Variants in MACROD2 observed in about 807,000 individuals in gnomAD.
The protein encoded by MACROD2 is ADP-ribose glycohydrolase MACROD2.
Under a neutral mutation model 70.4 loss-of-function variants are expected in MACROD2, and 36 were observed. The ratio of observed to expected loss-of-function variants is 0.51; its 90% CI spans 0.39 to 0.68. The LOEUF (loss-of-function observed/expected upper bound fraction) is 0.68. Ranked by LOEUF, MACROD2 falls within the 30% of genes least tolerant of loss-of-function variation. MACROD2 has a pLI of 0.00. For missense variants in MACROD2, 496 were observed against 538.4 expected, an observed-to-expected ratio of 0.92 and a Z score of 0.78; for synonymous variants, 172 against 178.8, an observed-to-expected ratio of 0.96 and a Z score of 0.30.
intron 3 of MACROD2, among the ~76,000 whole-genome samples, chr20:14,322,550 T>C (rs2082674009): frequency 6.6e-6 from 1 of 152,046 alleles, no homozygotes; most frequent in Admixed American, 6.6e-5. Flanking sequence ...TTCAGAAACA[T>C]TCCTTATGTT....
chr20:14,496,808 A>C (rs1197490489), intron 4 of MACROD2, among the ~76,000 whole-genome samples: 1 of 151,784 alleles, frequency 6.6e-6, no homozygotes, highest in Non-Finnish European at 1.5e-5. Context: ...TAGTGACTGA[A>C]TTGTACTTTT....
chr20:15,674,754 T>TGTTG lies in MACROD2; in HGVS notation c.645+174907_645+174908insGTTG, dbSNP rs140588066. ...GTGTGTGTGTCTATGTGTGTGTGTG[T>TGTTG]TGTGTGTGTGTGTGTGTGTGTGTGT... On this transcript the variant is annotated intron_variant, in intron 8 of 17. Coordinates refer to ENST00000684519, the MANE Select transcript of MACROD2 (RefSeq NM_001351661.2). 6.1e-5 allele frequency among the ~76,000 whole-genome samples: 9 copies of TGTTG among 148,710 alleles called. No individual in the cohort carries two copies. In the East Asian group the frequency reaches 1.6e-3, roughly 26 times the overall value.
chr20:14,117,560 C>T (rs926977405), intron 3 of MACROD2, among the ~76,000 whole-genome samples: 14 of 152,116 alleles, frequency 9.2e-5, no homozygotes, highest in African/African-American at 3.1e-4. Flanking sequence ...GCTAGGAAAA[C>T]CGAGAGGAGG....
chr20:15,809,514 A>G (rs6135547), intron 8 of MACROD2, among the ~76,000 whole-genome samples: 76,067 of 152,054 alleles, frequency 0.5, 19,827 homozygotes, highest in African/African-American at 0.65. Context: ...AATGTGTGCA[A>G]AGATTACATG....
At chr20:15,752,436 A>T (rs12480165) in intron 8 of MACROD2, among the ~76,000 whole-genome samples, 16,659 of 151,968 alleles carry the variant, frequency 0.11, 1,059 homozygotes, top group Admixed American at 0.14. Flanking sequence ...TTTAGTTGTG[A>T]TTTCTCTTGT....
intron 3 of MACROD2, among the ~76,000 whole-genome samples, chr20:14,262,431 G>A (rs2082108506): frequency 6.6e-6 from 1 of 152,182 alleles, no homozygotes; most frequent in Non-Finnish European, 1.5e-5. Context: ...GATAATTACT[G>A]TTCTTTTGGA....
intron 5 of MACROD2, among the ~76,000 whole-genome samples, chr20:14,872,915 A>G (rs1176634114): frequency 6.6e-6 from 1 of 152,102 alleles, no homozygotes; most frequent in East Asian, 1.9e-4. Context: ...AGGAAGGAGA[A>G]TGAATGCAGG....
In MACROD2 at chr20:15,688,784, C is replaced by A. The variant is rs199657147; in HGVS notation, c.646-173961C>A. On this transcript the variant is annotated intron_variant, in intron 8 of 17. Transcript: ENST00000684519. ...CCTATGCCATATGAATGTGAAGAGG[C>A]AAGGGCAAGGAATTCACACAAAAAA... Among the ~76,000 whole-genome samples the A allele has an allele frequency of 3.9e-5, 6 of 152,006 alleles. 1 individual carries two copies. In the East Asian group the frequency reaches 1.2e-3, roughly 29 times the overall value.
chr20:13,998,724 G>C (rs6110122), intron 1 of MACROD2, among the ~76,000 whole-genome samples: 1 of 152,122 alleles, frequency 6.6e-6, no homozygotes, highest in African/African-American at 2.4e-5. Context: ...GGGAGGCTGA[G>C]GCGGGTGGAT....
At chr20:15,272,442 A>G (rs1231130363) in intron 6 of MACROD2, among the ~76,000 whole-genome samples, 1 of 152,238 alleles carries the variant, frequency 6.6e-6, no homozygotes, top group Admixed American at 6.5e-5. Context: ...AGATACATGT[A>G]GGGAAATATT....
chr20:15,175,374 C>A (rs1006726543), intron 5 of MACROD2, among the ~76,000 whole-genome samples: 1 of 151,738 alleles, frequency 6.6e-6, no homozygotes, highest in Admixed American at 6.6e-5. Context: ...CACATGTATA[C>A]ATATGTAACT....
intron 7 of MACROD2, among the ~76,000 whole-genome samples, chr20:15,484,821 C>A (rs951967172): frequency 6.6e-6 from 1 of 152,104 alleles, no homozygotes; most frequent in Non-Finnish European, 1.5e-5. Flanking sequence ...CTCTAGTAAT[C>A]CGTCAGTTAG....
intron 12 of MACROD2, among the ~76,000 whole-genome samples, chr20:15,944,384 T>C (rs1206898923): frequency 6.6e-6 from 1 of 152,164 alleles, no homozygotes; most frequent in Non-Finnish European, 1.5e-5. Context: ...TCTCAATGTT[T>C]TTCTAGGCAA....
Position 14,401,058 on chromosome 20 carries a change from G to A in MACROD2, c.272-92421G>A, listed in dbSNP as rs2083632954. Among the ~76,000 whole-genome samples, 4 of 152,130 alleles carry A rather than the reference G, an allele frequency of 2.6e-5. 1 individual carries two copies. The South Asian group carries it at 8.3e-4, about 32-fold the overall frequency. ...AAGTGGCTGGTCAATTTAAACTCTT[G>A]CCTAATTCTATCAAAAACTAATTTT... On this transcript the variant is annotated intron_variant, in intron 3 of 17. Coordinates refer to ENST00000684519, the MANE Select transcript of MACROD2 (RefSeq NM_001351661.2).
At chr20:14,374,983 G>T (rs1270944611) in intron 3 of MACROD2, among the ~76,000 whole-genome samples, 2 of 151,958 alleles carry the variant, frequency 1.3e-5, no homozygotes, top group East Asian at 3.9e-4. Flanking sequence ...TTATCCATTT[G>T]TATTTTATAT....
chr20:14,107,028 A>G (rs1159827885), intron 3 of MACROD2, among the ~76,000 whole-genome samples: 2 of 152,224 alleles, frequency 1.3e-5, no homozygotes, highest in Non-Finnish European at 2.9e-5. Flanking sequence ...CCAGGAAAAA[A>G]TGACCTCACC....
chr20:15,699,870 TCCTTGTGGTG>T (rs984473323), intron 8 of MACROD2, among the ~76,000 whole-genome samples: 6 of 152,132 alleles, frequency 3.9e-5, no homozygotes, highest in African/African-American at 1.2e-4. Flanking sequence ...TTCCAATGGA[TCCTTGTGGTG>T]CCAGGCAGGA....
intron 5 of MACROD2, among the ~76,000 whole-genome samples, chr20:14,941,713 C>T (rs932420770): frequency 6.6e-6 from 1 of 151,916 alleles, no homozygotes; most frequent in African/African-American, 2.4e-5. Flanking sequence ...GTTTCTAAGC[C>T]GCATTTTAGA....
At chr20:15,553,374 AC>A (rs1168273074) in intron 8 of MACROD2, among the ~76,000 whole-genome samples, 2 of 152,136 alleles carry the variant, frequency 1.3e-5, no homozygotes. Flanking sequence ...GACTGTGTTC[AC>A]CCCTGTTTCT....
Sources: gnomAD v4.1 joint callset for allele counts (sites outside exome capture counted in the v4.1 genomes callset) on GRCh38, gnomAD v4.1.1 for gene constraint, MANE v1.5 for transcripts, NCBI Gene and HGNC (gene_info 2026-07-23, HGNC 2026-07-21) for gene names.